DRC9: variants seen among roughly 807,000 people sequenced by gnomAD.
The protein encoded by DRC9 is dynein regulatory complex protein 9.
At chr3:197,892,611 C>A in the DRC9 span, 1 of 1,613,614 alleles carries the variant, frequency 6.2e-7, no homozygotes. Flanking sequence ...CAGTGAGCGC[C>A]CTAATTCCTT....
the DRC9 span, among the ~76,000 whole-genome samples, chr3:197,912,238 C>T: frequency 6.6e-6 from 1 of 151,836 alleles, no homozygotes; most frequent in African/African-American, 2.4e-5. Flanking sequence ...CAGGGTTTCA[C>T]CATATTGGTC....
the DRC9 span, among the ~76,000 whole-genome samples, chr3:197,927,320 G>A: frequency 3.3e-5 from 5 of 152,116 alleles, no homozygotes; most frequent in South Asian, 6.2e-4. Context: ...TCCGCCTCCC[G>A]GGTTCAAGCA....
chr3:197,897,431 T>C, the DRC9 span, among the ~76,000 whole-genome samples: 1 of 152,186 alleles, frequency 6.6e-6, no homozygotes, highest in Admixed American at 6.5e-5. Context: ...TATTTATATT[T>C]GCCTCAGGCC....
At chr3:197,893,158 G>A in the DRC9 span, among the ~76,000 whole-genome samples, 2 of 151,750 alleles carry the variant, frequency 1.3e-5, no homozygotes, top group South Asian at 2.1e-4. Flanking sequence ...AGGAGTTCGA[G>A]ACCAGTCTGA....
At chr3:197,952,401 C>T in the DRC9 span, 1 of 152,124 alleles carries the variant, frequency 6.6e-6, no homozygotes, top group Non-Finnish European at 1.5e-5. Flanking sequence ...AACTCCTGAA[C>T]TTGTGATCCA....
chr3:197,953,207 C>T, the DRC9 span, among the ~76,000 whole-genome samples: 29 of 152,262 alleles, frequency 1.9e-4, no homozygotes, highest in African/African-American at 6.0e-4. Flanking sequence ...CTTCTACAGC[C>T]AATGTGTTCC....
At chr3:197,914,185 A>G in the DRC9 span, 3 of 718,968 alleles carry the variant, frequency 4.2e-6, no homozygotes, top group African/African-American at 5.3e-5. Flanking sequence ...TGGGAAATTT[A>G]GCCAACAATC....
chr3:197,950,566 G>T, the DRC9 span: 36 of 333,192 alleles, frequency 1.1e-4, no homozygotes, highest in Admixed American at 1.4e-4. Flanking sequence ...TCTTTCCTCA[G>T]CTTTTCTCCC....
the DRC9 span, chr3:197,950,887 G>A: frequency 3.8e-6 from 6 of 1,592,672 alleles, no homozygotes; most frequent in Non-Finnish European, 5.2e-6. Flanking sequence ...GGACGAGGTG[G>A]GAAACTTGTG....
chr3:197,907,578 C>G, the DRC9 span, among the ~76,000 whole-genome samples: 5 of 152,228 alleles, frequency 3.3e-5, no homozygotes, highest in Admixed American at 6.5e-5. Context: ...AAAATCTTAC[C>G]ATTCTTTTGG....
At chr3:197,932,284 C>T in the DRC9 span, 1 of 1,610,882 alleles carries the variant, frequency 6.2e-7, no homozygotes, top group Non-Finnish European at 8.5e-7. Flanking sequence ...TATCTGCAAT[C>T]ACATCGCTGA....
chr3:197,931,893 G>A, the DRC9 span, among the ~76,000 whole-genome samples: 1 of 152,078 alleles, frequency 6.6e-6, no homozygotes, highest in African/African-American at 2.4e-5. Context: ...CCAAAGTGCT[G>A]GGATTACAAG....
the DRC9 span, among the ~76,000 whole-genome samples, chr3:197,917,774 AG>A: frequency 6.6e-6 from 1 of 150,796 alleles, no homozygotes; most frequent in Admixed American, 6.6e-5. Flanking sequence ...TGTGTTGCCC[AG>A]GCTGGAGTGC....
chr3:197,945,517 G>A, the DRC9 span: 2,074 of 748,004 alleles, frequency 2.8e-3, 5 homozygotes, highest in Non-Finnish European at 3.7e-3. Context: ...ACTAAGTTCT[G>A]GGGTAATCTG....
chr3:197,923,922 C>G, the DRC9 span, among the ~76,000 whole-genome samples: 1 of 150,228 alleles, frequency 6.7e-6, no homozygotes, highest in African/African-American at 2.4e-5. Flanking sequence ...AAACCGCAGC[C>G]TGGCGTGGTG....
At chr3:197,904,081 TACATAC>T in the DRC9 span, among the ~76,000 whole-genome samples, 981 of 110,398 alleles carry the variant, frequency 8.9e-3, 21 homozygotes, top group African/African-American at 0.028. Flanking sequence ...CATATATATA[TACATAC>T]ATATATATAT....
the DRC9 span, among the ~76,000 whole-genome samples, chr3:197,939,326 G>A: frequency 6.6e-6 from 1 of 152,346 alleles, no homozygotes; most frequent in East Asian, 1.9e-4. Context: ...CATACTAAAA[G>A]CAGAGGTTGA....
chr3:197,927,686 G>A, the DRC9 span, among the ~76,000 whole-genome samples: 1 of 152,028 alleles, frequency 6.6e-6, no homozygotes, highest in Non-Finnish European at 1.5e-5. Context: ...AATATCCCAA[G>A]GAAAGGTTTA....
the DRC9 span, among the ~76,000 whole-genome samples, chr3:197,936,703 G>A: frequency 1.3e-5 from 2 of 152,176 alleles, no homozygotes; most frequent in Non-Finnish European, 2.9e-5. Context: ...ATTTCCACTT[G>A]ATTCTGGATA....
Sources: allele counts gnomAD v4.1 joint callset (sites outside exome capture counted in the v4.1 genomes callset), GRCh38; gene constraint gnomAD v4.1.1; transcripts MANE v1.5; gene names NCBI Gene and HGNC (gene_info 2026-07-23, HGNC 2026-07-21).